Variants in VPS53 observed in about 807,000 individuals in gnomAD.
VPS53 encodes the protein VPS53 subunit of GARP complex.
Under a neutral mutation model 107.0 loss-of-function variants are expected in VPS53, and 70 were observed. That is an observed-to-expected ratio of 0.65 (90% CI 0.54 to 0.80). VPS53 has a LOEUF of 0.80. Ranked by LOEUF, VPS53 falls within the 30% of genes least tolerant of loss-of-function variation. The pLI, the probability that VPS53 is intolerant of heterozygous loss-of-function variation, is 0.00. For missense variants in VPS53, 917 were observed against 1,049.4 expected (o/e 0.87, Z 1.74); for synonymous variants, 409 against 393.3 (o/e 1.04, Z -0.47).
chr17:709,672 T>G (rs1973563152), intron 2 of VPS53, among the ~76,000 whole-genome samples: 1 of 152,130 alleles, frequency 6.6e-6, no homozygotes, highest in East Asian at 1.9e-4. Flanking sequence ...AGGCACCTAC[T>G]GAACAACTGC....
chr17:594,280 C>A (rs1286729095), intron 12 of VPS53, among the ~76,000 whole-genome samples: 1 of 152,200 alleles, frequency 6.6e-6, no homozygotes, highest in African/African-American at 2.4e-5. Context: ...AACTAACCTG[C>A]ACATTGTGCA....
chr17:553,356 A>G (rs1912036793), intron 16 of VPS53, 24 bp downstream of exon 16: 1 of 1,611,322 alleles, frequency 6.2e-7, no homozygotes, highest in Non-Finnish European at 8.5e-7. Context: ...GCAGGCAGCC[A>G]GTAAGTGTGT....
intron 13 of VPS53, among the ~76,000 whole-genome samples, chr17:571,302 AG>A (rs1249906812): frequency 2.6e-5 from 4 of 151,970 alleles, no homozygotes; most frequent in Admixed American, 6.6e-5. Flanking sequence ...AAGAAAAAGA[AG>A]GAAGAGAAAA....
At position 623,093 on chromosome 17, in the gene VPS53, G is replaced by A. The variant is rs368181389; in HGVS notation, c.1116+440C>T. The stretch of plus-strand genomic sequence containing the variant: ...TGTTCCACCTTTCCAATGGAGGCAC[G>A]TAGTCCCCAGGCCTGTATACCTGGC... On this transcript the variant is annotated intron_variant, in intron 11 of 21. Coordinates refer to ENST00000437048, the MANE Select transcript of VPS53 (RefSeq NM_001128159.3). Among the ~76,000 whole-genome samples, 12 of 152,260 alleles carry A rather than the reference G, an allele frequency of 7.9e-5. 2 individuals are homozygous for A. Among genetic ancestry groups the A allele is most frequent in the South Asian group, 4.1e-4 (2 of 4,826 alleles).
chr17:682,520 C>G (rs993431657), intron 4 of VPS53, among the ~76,000 whole-genome samples: 1 of 151,972 alleles, frequency 6.6e-6, no homozygotes, highest in African/African-American at 2.4e-5. Flanking sequence ...CACAAGCAGG[C>G]GAGAGGGCTG....
At chr17:679,674 A>C (rs955363428) in intron 4 of VPS53, among the ~76,000 whole-genome samples, 3 of 152,244 alleles carry the variant, frequency 2.0e-5, no homozygotes, top group African/African-American at 7.2e-5. Flanking sequence ...CAGAAATAAC[A>C]GAAAAGGCTG....
At chr17:564,597 GCTA>G (rs1484592085) in intron 13 of VPS53, among the ~76,000 whole-genome samples, 2 of 150,552 alleles carry the variant, frequency 1.3e-5, no homozygotes, top group African/African-American at 4.9e-5. Flanking sequence ...TGTAATCCCA[GCTA>G]CTTGGAAGGC....
In VPS53 at chr17:532,869, C is replaced by A. The variant is rs753548929; in HGVS notation, c.2058G>T (p.Lys686Asn). The change falls in exon 19 of 22, where the codon AAG becomes AAT. Residue 686 changes from lysine (K) to asparagine (N), a missense_variant. Physicochemically the swap from Lys to Asn is moderately conservative, Grantham distance 94. Coordinates refer to ENST00000437048, the MANE Select transcript of VPS53 (RefSeq NM_001128159.3). ...GTTCTGCTCCCACCATGCTAATTGG[C>A]TTGCACTTGAAGAGGTGGGTGATGA... is the stretch of plus-strand genomic sequence containing the variant. Reference protein sequence around the residue: ...PKFITHLFKCKPISMVGAEQL... With the variant: ...PKFITHLFKCNPISMVGAEQL... 1 of 1,614,114 alleles carries A rather than the reference C, an allele frequency of 6.2e-7. No individual in the cohort carries two copies. Among genetic ancestry groups the A allele is most frequent in the Non-Finnish European group, 8.5e-7 (1 of 1,179,988 alleles).
intron 8 of VPS53, among the ~76,000 whole-genome samples, chr17:631,175 T>C (rs1969943488): frequency 6.6e-6 from 1 of 152,106 alleles, no homozygotes; most frequent in Admixed American, 6.6e-5. Flanking sequence ...CTCCACCCAG[T>C]TGTCTTTTCA....
At chr17:632,604 T>G (rs1275261022) in intron 7 of VPS53, 1 of 399,206 alleles carries the variant, frequency 2.5e-6, no homozygotes, top group Non-Finnish European at 5.0e-6. Flanking sequence ...AAATACTAGA[T>G]CGTATCATTC....
chr17:624,484 A>G (rs182759125), intron 10 of VPS53, among the ~76,000 whole-genome samples: 8 of 152,352 alleles, frequency 5.3e-5, no homozygotes, highest in African/African-American at 1.7e-4. Flanking sequence ...GAACAGGGAC[A>G]TGTGAGTTCT....
At chr17:534,951 T>C (rs1393595424) in intron 18 of VPS53, among the ~76,000 whole-genome samples, 1 of 149,156 alleles carries the variant, frequency 6.7e-6, no homozygotes, top group African/African-American at 2.5e-5. Context: ...GCTGTGCCCC[T>C]GAACTGGCTC....
intron 9 of VPS53, 152 bp from the exon 10 acceptor site, chr17:627,468 T>C: frequency 3.5e-6 from 4 of 1,138,260 alleles, no homozygotes; most frequent in Non-Finnish European, 4.8e-6. Context: ...TTTAACTTGA[T>C]TTTTTACTTA....
intron 10 of VPS53, among the ~76,000 whole-genome samples, chr17:626,463 C>T (rs1375985992): frequency 2.0e-5 from 3 of 152,002 alleles, no homozygotes; most frequent in South Asian, 2.1e-4. Flanking sequence ...CACCTGAGGT[C>T]GGGACTTCAA....
chr17:668,658 G>C (rs1369853516), intron 4 of VPS53, among the ~76,000 whole-genome samples: 3 of 152,138 alleles, frequency 2.0e-5, no homozygotes, highest in African/African-American at 7.2e-5. Context: ...TGATACTGCA[G>C]GTCATGTCAT....
At chr17:562,775 T>C in intron 13 of VPS53, 30 bp from the exon 14 acceptor site, 2 of 1,586,314 alleles carry the variant, frequency 1.3e-6, no homozygotes, top group East Asian at 2.2e-5. Context: ...CCAAAAATGT[T>C]ATTTTACTTC....
chr17:669,622 G>A (rs1236501313), intron 4 of VPS53, among the ~76,000 whole-genome samples: 3 of 115,354 alleles, frequency 2.6e-5, no homozygotes, highest in Admixed American at 9.4e-5. Context: ...GGCCAGGTGC[G>A]ATGGCTCATG....
chr17:543,761 C>T (rs1910889209), intron 17 of VPS53, among the ~76,000 whole-genome samples: 1 of 133,332 alleles, frequency 7.5e-6, no homozygotes, highest in Admixed American at 8.5e-5. Context: ...AGTTATATGG[C>T]TTTGGGCATA....
intron 7 of VPS53, among the ~76,000 whole-genome samples, chr17:641,451 A>G (rs1209742741): frequency 1.3e-5 from 2 of 152,236 alleles, no homozygotes; most frequent in African/African-American, 2.4e-5. Flanking sequence ...CAAAGCACAT[A>G]TATGTGCCAA....
Sources: gnomAD v4.1 joint callset for allele counts (sites outside exome capture counted in the v4.1 genomes callset) on GRCh38, gnomAD v4.1.1 for gene constraint, MANE v1.5 for transcripts, NCBI Gene and HGNC (gene_info 2026-07-23, HGNC 2026-07-21) for gene names.